The following PIP5K1B variants were observed in gnomAD, a reference collection of about 807,000 sequenced individuals.
PIP5K1B encodes the protein phosphatidylinositol 4-phosphate 5-kinase type-1 beta.
In PIP5K1B, 42 loss-of-function variants were observed where a neutral mutation model predicts 67.0. The observed-to-expected ratio is 0.63, with a 90% confidence interval of 0.49 to 0.81. The LOEUF is 0.81. Ranked by LOEUF, PIP5K1B falls within the 30% of genes least tolerant of loss-of-function variation. PIP5K1B has a pLI of 0.00. For synonymous variants in PIP5K1B, 214 were observed against 231.4 expected (o/e 0.92, Z 0.68); for missense variants, 459 against 646.3 (o/e 0.71, Z 3.14).
rs1443632704 is a variant in PIP5K1B, at chr9:68,887,340, G to C, written c.319-1641G>C. On this transcript the variant is annotated intron_variant, in intron 6 of 15. Coordinates refer to ENST00000265382, the MANE Select transcript of PIP5K1B (RefSeq NM_003558.4). ...GAGTGGTAGGCAGGTGAAAGTAGAAGGGAGGTTGTCGCAGGCACAGGAAAA... is the reference window on the plus strand; with the variant it reads ...GAGTGGTAGGCAGGTGAAAGTAGAACGGAGGTTGTCGCAGGCACAGGAAAA... Among the ~76,000 whole-genome samples, 19 of 152,284 alleles carry C rather than the reference G, an allele frequency of 1.2e-4. No homozygotes were observed. The South Asian group carries it at 1.9e-3, about 15-fold the overall frequency.
chr9:68,831,626 G>C (rs1834325921), intron 4 of PIP5K1B, among the ~76,000 whole-genome samples: 1 of 152,152 alleles, frequency 6.6e-6, no homozygotes, highest in Admixed American at 6.5e-5. Context: ...ATAGTAGCAG[G>C]GGTCAGTAAG....
intron 14 of PIP5K1B, among the ~76,000 whole-genome samples, chr9:68,950,512 TC>T (rs1828009564): frequency 6.6e-6 from 1 of 152,172 alleles, no homozygotes. Context: ...TCGAGACGTT[TC>T]CCTTTGGCCC....
chr9:68,799,819 G>A (rs1251818950), intron 2 of PIP5K1B, among the ~76,000 whole-genome samples: 1 of 152,180 alleles, frequency 6.6e-6, no homozygotes, highest in African/African-American at 2.4e-5. Flanking sequence ...CATGACATTG[G>A]TTTTGGCAGC....
At chr9:68,975,288 C>T (rs1829583666) in intron 14 of PIP5K1B, among the ~76,000 whole-genome samples, 1 of 141,540 alleles carries the variant, frequency 7.1e-6, no homozygotes, top group Non-Finnish European at 1.5e-5. Context: ...AGGCTGGTCT[C>T]AAACTCCTGG....
intron 14 of PIP5K1B, among the ~76,000 whole-genome samples, chr9:68,988,426 C>T (rs1244232048): frequency 1.4e-5 from 2 of 143,388 alleles, no homozygotes; most frequent in African/African-American, 5.1e-5. Context: ...AATGGAAAAA[C>T]TTAGTTGTTT....
chr9:68,789,453 C>T (rs1168923532), intron 2 of PIP5K1B: 1 of 502,506 alleles, frequency 2.0e-6, no homozygotes, highest in South Asian at 1.5e-5. Flanking sequence ...GGGGAGACCT[C>T]CATCTGGATC....
chr9:68,945,883 T>C (rs1424965931), intron 14 of PIP5K1B, among the ~76,000 whole-genome samples: 1 of 152,244 alleles, frequency 6.6e-6, no homozygotes, highest in Non-Finnish European at 1.5e-5. Context: ...CGTCTTCATC[T>C]TTTTGCCTTT....
intron 13 of PIP5K1B, among the ~76,000 whole-genome samples, chr9:68,939,440 AG>A (rs1827445638): frequency 6.6e-6 from 1 of 152,182 alleles, no homozygotes; most frequent in Non-Finnish European, 1.5e-5. Context: ...TGTTATGGAG[AG>A]TTTTCATGTT....
intron 2 of PIP5K1B, among the ~76,000 whole-genome samples, chr9:68,767,795 T>G (rs979014724): frequency 1.3e-5 from 2 of 152,060 alleles, no homozygotes; most frequent in African/African-American, 2.4e-5. Flanking sequence ...ACTAGTAGAT[T>G]AATTTGGGCA....
intron 13 of PIP5K1B, among the ~76,000 whole-genome samples, chr9:68,936,177 CT>C (rs149899851): frequency 1.3e-5 from 2 of 151,900 alleles, no homozygotes; most frequent in Non-Finnish European, 2.9e-5. Context: ...CCCTTTTTGT[CT>C]TTTTTTCTTT....
intron 6 of PIP5K1B, among the ~76,000 whole-genome samples, chr9:68,884,658 T>G (rs1824372564): frequency 8.3e-6 from 1 of 119,768 alleles, no homozygotes; most frequent in South Asian, 2.7e-4. Context: ...GAGCAGGACC[T>G]TGTCTTTAAA....
intron 12 of PIP5K1B, among the ~76,000 whole-genome samples, chr9:68,924,043 C>A (rs2027205): frequency 4.7e-5 from 7 of 149,538 alleles, no homozygotes; most frequent in Non-Finnish European, 1.0e-4. Flanking sequence ...ACAAACATAC[C>A]AAAAATTTAT....
chr9:68,938,081 T>A (rs1434355868), intron 13 of PIP5K1B, among the ~76,000 whole-genome samples: 1 of 152,200 alleles, frequency 6.6e-6, no homozygotes, highest in Non-Finnish European at 1.5e-5. Flanking sequence ...TCTGTTGATT[T>A]GGGGTAGAGA....
chr9:68,875,154 A>C (rs1393820169), intron 5 of PIP5K1B, among the ~76,000 whole-genome samples: 2 of 151,902 alleles, frequency 1.3e-5, no homozygotes, highest in African/African-American at 4.8e-5. Context: ...CTCTTCTCTC[A>C]GGCAGTCTTA....
chr9:68,830,464 G>A (rs1396268462), intron 4 of PIP5K1B, among the ~76,000 whole-genome samples: 2 of 152,074 alleles, frequency 1.3e-5, no homozygotes, highest in Non-Finnish European at 2.9e-5. Flanking sequence ...TTAGCCTGTT[G>A]CCCTGAATGG....
In PIP5K1B at chr9:68,919,507, A is replaced by T. The variant is rs1186325790; in HGVS notation, c.1012A>T (p.Arg338Trp). 2.5e-6 allele frequency: 4 copies of T among 1,597,952 alleles called. No individual in the cohort carries two copies. In the African/African-American group the frequency reaches 5.4e-5, roughly 21 times the overall value. ...GGGAGGCATTCCAGCTAAAAGCCAT[A>T]GGGGAGAAAAACTACTTTTATTTAT... ...TMGGIPAKSH[R>W]GEKLLLFMGI... is the part of the protein sequence containing the mutation. Residue 338 changes from arginine to tryptophan, a missense_variant, in exon 10 of 16, where the codon AGG (arginine) becomes TGG (tryptophan). By Grantham distance (101) the Arg-to-Trp change is moderately radical. Around this residue, in one of 2 missense-constraint regions of PIP5K1B, gnomAD observed 290 missense variants for 474.4 expected, o/e 0.61. Coordinates refer to ENST00000265382, the MANE Select transcript of PIP5K1B (RefSeq NM_003558.4).
At chr9:68,917,227 T>G (rs1365850152) in intron 8 of PIP5K1B, among the ~76,000 whole-genome samples, 1 of 152,204 alleles carries the variant, frequency 6.6e-6, no homozygotes, top group Admixed American at 6.5e-5. Flanking sequence ...TGAGATTGAA[T>G]GCAAATGAGC....
intron 2 of PIP5K1B, among the ~76,000 whole-genome samples, chr9:68,743,607 A>G (rs1440121414): frequency 6.8e-6 from 1 of 148,134 alleles, no homozygotes; most frequent in Non-Finnish European, 1.5e-5. Flanking sequence ...AATATTTCCA[A>G]TATCAGAAAG....
chr9:68,787,261 C>CCAAGT (rs1410629735), intron 2 of PIP5K1B, among the ~76,000 whole-genome samples: 4 of 152,132 alleles, frequency 2.6e-5, no homozygotes, highest in African/African-American at 9.7e-5. Context: ...ACGATGAGAC[C>CCAAGT]CAAGTGCTAA....
Sources: gnomAD v4.1 joint callset for allele counts (sites outside exome capture counted in the v4.1 genomes callset) on GRCh38, gnomAD v4.1.1 for gene constraint, gnomAD v4.1.1 regional missense constraint, MANE v1.5 for transcripts, NCBI Gene and HGNC (gene_info 2026-07-23, HGNC 2026-07-21) for gene names.